ITPK1: variants seen among roughly 807,000 people sequenced by gnomAD.
ITPK1 encodes the protein inositol-tetrakisphosphate 1-kinase, also known as inositol 1,3,4-trisphosphate 5/6-kinase.
A neutral mutation model predicts 45.3 loss-of-function variants in ITPK1; 21 were observed. That is an observed-to-expected ratio of 0.46 (90% CI 0.33 to 0.67). The LOEUF (loss-of-function observed/expected upper bound fraction) is 0.67, where lower values mean the gene tolerates loss of function less well. Among genes scored for constraint, ITPK1 ranks in the 30% least tolerant of loss-of-function variants. The pLI is 0.02. For synonymous variants in ITPK1, 258 were observed against 253.6 expected (o/e 1.02, Z -0.16); for missense variants, 474 against 573.5 (o/e 0.83, Z 1.77).
chr14:92,958,119 G>T lies in ITPK1; in HGVS notation c.670+82C>A. 1 of 1,395,738 alleles carries T rather than the reference G, an allele frequency of 7.2e-7. No homozygotes were observed. The highest frequency in any genetic ancestry group is 1.0e-6 in the Non-Finnish European group (1 of 986,494). The allele number at this position is 1,395,738 out of a possible 1,614,324, so 86.5% of individuals were successfully genotyped here. ...AAGAACACAGGGTGGTTGGGGCAGT[G>T]CCGAAGGACAGACAGCTGCTGCCAC... On this transcript the variant is annotated intron_variant, in intron 8 of 10. Transcript: ENST00000267615. This position sits in a 1 kb window ranked among gnomAD's most constrained non-coding sequence, Gnocchi z 4.4.
intron 2 of ITPK1, among the ~76,000 whole-genome samples, chr14:93,094,695 G>A (rs1297944809): frequency 2.0e-5 from 3 of 152,164 alleles, no homozygotes; most frequent in East Asian, 1.9e-4. Flanking sequence ...ACCACTTGAC[G>A]AGCATGTGTC....
chr14:92,943,674 G>C (rs955740119), intron 10 of ITPK1, among the ~76,000 whole-genome samples: 1 of 152,246 alleles, frequency 6.6e-6, no homozygotes, highest in African/African-American at 2.4e-5. Flanking sequence ...CTGTGGTGGT[G>C]CAGAGACGGC....
chr14:92,990,675 T>C (rs1352914857), intron 5 of ITPK1, among the ~76,000 whole-genome samples: 1 of 152,176 alleles, frequency 6.6e-6, no homozygotes. Context: ...ACAGCGATGC[T>C]GGGAGCTCCC....
rs143749985 is a variant in ITPK1, at chr14:93,059,217, A to T, written c.120+17378T>A. Among the ~76,000 whole-genome samples the T allele has an allele frequency of 6.4e-3, 80 of 12,464 alleles. 6 individuals are homozygous for T. Among genetic ancestry groups the T allele is most frequent in the African/African-American group, 0.04 (76 of 1,882 alleles). 8.2% of individuals were successfully genotyped at this position (12,464 alleles called of 152,430 possible). ...GGGGTGGAGGGGGGTGTGGGTCTCG[A>T]GGCAGGGGTGGAGGGTGTGTGGGTC... On this transcript the variant is annotated intron_variant, in intron 3 of 10. Coordinates refer to ENST00000267615, the MANE Select transcript of ITPK1 (RefSeq NM_014216.6).
chr14:93,030,715 G>A (rs1169565151), intron 3 of ITPK1, among the ~76,000 whole-genome samples: 3 of 152,120 alleles, frequency 2.0e-5, no homozygotes, highest in Non-Finnish European at 2.9e-5. Context: ...AGGCTAAACT[G>A]TGTCCCCAAA....
chr14:93,013,465 C>T (rs1334609193), intron 4 of ITPK1, among the ~76,000 whole-genome samples: 1 of 152,170 alleles, frequency 6.6e-6, no homozygotes, highest in East Asian at 1.9e-4. Context: ...CCCTGGGGAC[C>T]GGAACTTTCA....
intron 2 of ITPK1, among the ~76,000 whole-genome samples, chr14:93,103,142 A>C (rs1333420921): frequency 6.6e-6 from 1 of 150,410 alleles, no homozygotes; most frequent in Non-Finnish European, 1.5e-5. Context: ...AAAAAAGAAA[A>C]ATAGGGCCGG....
chr14:93,007,808 C>A (rs1217925986), intron 4 of ITPK1, among the ~76,000 whole-genome samples: 1 of 152,214 alleles, frequency 6.6e-6, no homozygotes, highest in Admixed American at 6.5e-5. Flanking sequence ...GTCCTGCCGC[C>A]CCAGGAGCTC....
At chr14:92,976,898 G>T (rs529072888) in intron 5 of ITPK1, among the ~76,000 whole-genome samples, 1 of 152,324 alleles carries the variant, frequency 6.6e-6, no homozygotes, top group East Asian at 1.9e-4. Flanking sequence ...ACTGAGTCTG[G>T]AAAGAGTTAA....
At chr14:93,037,667 G>C (rs1889378515) in intron 3 of ITPK1, among the ~76,000 whole-genome samples, 1 of 152,204 alleles carries the variant, frequency 6.6e-6, no homozygotes, top group African/African-American at 2.4e-5. Flanking sequence ...GGATGTTAAA[G>C]ACAAGGAAGA....
intron 2 of ITPK1, among the ~76,000 whole-genome samples, chr14:93,079,452 G>T (rs1023548709): frequency 5.3e-5 from 8 of 152,224 alleles, no homozygotes; most frequent in Non-Finnish European, 1.2e-4. Flanking sequence ...AAGTGCAGGA[G>T]CTGGCCCGGA....
chr14:92,995,264 G>GC (rs1886993677), intron 4 of ITPK1, among the ~76,000 whole-genome samples: 1 of 152,178 alleles, frequency 6.6e-6, no homozygotes, highest in African/African-American at 2.4e-5. Flanking sequence ...CGCCCAGCCA[G>GC]CCCCCCTGCC....
At chr14:93,074,469 C>G (rs1891137558) in intron 3 of ITPK1, among the ~76,000 whole-genome samples, 1 of 152,228 alleles carries the variant, frequency 6.6e-6, no homozygotes, top group African/African-American at 2.4e-5. Context: ...GGGGGTGACA[C>G]CCACTGTGTG....
At chr14:93,075,610 A>C (rs2139981616) in intron 3 of ITPK1, among the ~76,000 whole-genome samples, 1 of 152,266 alleles carries the variant, frequency 6.6e-6, no homozygotes, top group South Asian at 2.1e-4. Flanking sequence ...TGGGGCCTGC[A>C]ATGCTGAACC....
rs568930441 is a variant in ITPK1, at chr14:93,086,808, C to T, written c.96-10189G>A. Among the ~76,000 whole-genome samples, 12 of 152,338 alleles carry T rather than the reference C, an allele frequency of 7.9e-5. No individual in the cohort carries two copies. In the South Asian group the frequency reaches 2.1e-3, roughly 26 times the overall value. ...GACCAGGTCATGGGCACTGGGGTTTCCTGGGGCCCCCCAGCCACAGGCATG... is the reference window on the plus strand; with the variant it reads ...GACCAGGTCATGGGCACTGGGGTTTTCTGGGGCCCCCCAGCCACAGGCATG... On this transcript the variant is annotated intron_variant, in intron 2 of 10. Coordinates refer to ENST00000267615, the MANE Select transcript of ITPK1 (RefSeq NM_014216.6).
In ITPK1 at chr14:92,940,840, A is replaced by C. The variant is rs113099282; in HGVS notation, c.*721T>G. The C allele has an allele frequency of 1.6e-6, 2 of 1,287,270 alleles. No homozygotes were observed. Among genetic ancestry groups the C allele is most frequent in the Non-Finnish European group, 2.0e-6 (2 of 988,064 alleles). 79.7% of individuals were successfully genotyped at this position (1,287,270 alleles called of 1,614,324 possible). ...TCCTTCCCGGGCTCCAGGGAGCAGC[A>C]GTGCTGGCTTAGGGGAAGGAGACCG... On this transcript the variant is annotated 3_prime_UTR_variant, in exon 11 of 11. Coordinates refer to ENST00000267615, the MANE Select transcript of ITPK1 (RefSeq NM_014216.6).
Position 92,941,877 on chromosome 14 carries a change from G to C in ITPK1, c.929C>G (p.Thr310Arg), listed in dbSNP as rs1887439878. Reference protein sequence around the residue: ...PGYEGVSEFFTDLLNHIATVL... With the variant: ...PGYEGVSEFFRDLLNHIATVL... ...AGTGGCGATGTGGTTCAGGAGGTCT[G>C]TGAAGAACTCGCTCACGCCCTCGTA... Residue 310 changes from threonine to arginine, a missense_variant, in exon 11 of 11, where the codon ACA becomes AGA. Physicochemically the swap from Thr to Arg is moderately conservative, Grantham distance 71. Transcript: ENST00000267615. 6.2e-7 allele frequency: 1 copy of C among 1,612,470 alleles called. No individual in the cohort carries two copies. Among genetic ancestry groups the C allele is most frequent in the African/African-American group, 1.3e-5 (1 of 74,936 alleles).
intron 3 of ITPK1, among the ~76,000 whole-genome samples, chr14:93,062,385 G>A (rs764348918): frequency 2.6e-5 from 4 of 151,838 alleles, no homozygotes; most frequent in South Asian, 2.1e-4. Flanking sequence ...AGCTATGATC[G>A]CACCACTACA....
chr14:93,033,637 G>C (rs559828973), intron 3 of ITPK1, among the ~76,000 whole-genome samples: 1 of 152,332 alleles, frequency 6.6e-6, no homozygotes, highest in South Asian at 2.1e-4. Context: ...CATGGAGGAA[G>C]CCAGGCCAGA....
Sources: gnomAD v4.1 joint callset for allele counts (sites outside exome capture counted in the v4.1 genomes callset) on GRCh38, gnomAD v4.1.1 for gene constraint, Gnocchi (gnomAD v3.1) non-coding constraint, MANE v1.5 for transcripts, NCBI Gene and HGNC (gene_info 2026-07-23, HGNC 2026-07-21) for gene names.